Variants in SARAF observed in about 807,000 individuals in gnomAD.
SARAF encodes the protein store-operated calcium entry associated regulatory factor.
Under a neutral mutation model 39.7 loss-of-function variants are expected in SARAF, and 23 were observed. The observed-to-expected ratio is 0.58, with a 90% CI of 0.42 to 0.82. The LOEUF is 0.82. Among genes scored for constraint, SARAF ranks in the 40% least tolerant of loss-of-function variants. The probability of loss-of-function intolerance (pLI) is 0.00; values close to 1 mark genes in which losing one functional copy is unlikely to be tolerated. For missense variants in SARAF, 384 were observed against 418.5 expected (o/e 0.92, Z 0.72); for synonymous variants, 175 against 168.5 (o/e 1.04, Z -0.30).
chr8:30,064,547 AT>A (rs1163316447), intron 5 of SARAF, among the ~76,000 whole-genome samples: 3 of 37,012 alleles, frequency 8.1e-5, no homozygotes, highest in African/African-American at 3.6e-4. Flanking sequence ...ATATATATAT[AT>A]ATATATATAT....
rs1801610484 is a variant in SARAF at position 30,063,822 on chromosome 8, T to C, written c.*66A>G. On this transcript the variant is annotated 3_prime_UTR_variant, in exon 6 of 6. Coordinates refer to ENST00000256255, the MANE Select transcript of SARAF (RefSeq NM_016127.6). The stretch of plus-strand genomic sequence containing the variant: ...CAATTGTTAACAGGTAGTACTTTTT[T>C]TCTAAAGAGAAAGTGATGAAAAATC... The C allele has an allele frequency of 7.2e-7, 1 of 1,397,868 alleles. No individual in the cohort carries two copies. The highest frequency in any genetic ancestry group is 1.0e-6 in the Non-Finnish European group (1 of 983,832). 86.6% of individuals were successfully genotyped at this position (1,397,868 alleles called of 1,614,324 possible). A position where few individuals can be genotyped will look rare whatever the true frequency, so the allele number is the denominator to read the frequency against.
intron 1 of SARAF, among the ~76,000 whole-genome samples, chr8:30,074,682 G>A (rs966150665): frequency 6.6e-6 from 1 of 152,116 alleles, no homozygotes; most frequent in Admixed American, 6.5e-5. Context: ...GTATGGGAAG[G>A]ATTTAACACC....
At chr8:30,064,130 T>C (rs563521643) in intron 5 of SARAF, among the ~76,000 whole-genome samples, 1 of 152,202 alleles carries the variant, frequency 6.6e-6, no homozygotes, top group East Asian at 1.9e-4. Flanking sequence ...ACATGGTTGC[T>C]GGGAATGACA....
chr8:30,071,324 C>T (rs1440873298), intron 2 of SARAF, among the ~76,000 whole-genome samples: 3 of 152,180 alleles, frequency 2.0e-5, no homozygotes, highest in African/African-American at 4.8e-5. Flanking sequence ...GTACTCCAGA[C>T]TGGGTGACAG....
chr8:30,074,407 T>C (rs1402097428), intron 1 of SARAF, among the ~76,000 whole-genome samples: 1 of 152,238 alleles, frequency 6.6e-6, no homozygotes, highest in Non-Finnish European at 1.5e-5. Context: ...AGCATGTTCC[T>C]GAAGCACATT....
chr8:30,068,540 C>A (rs1385185033), intron 3 of SARAF, among the ~76,000 whole-genome samples: 1 of 152,112 alleles, frequency 6.6e-6, no homozygotes, highest in East Asian at 1.9e-4. Flanking sequence ...ATGCTTTAAT[C>A]ATCCCAAAAC....
rs956756882 is a variant in SARAF at position 30,063,476 on chromosome 8, C to T, written c.*412G>A. 3 of 167,096 alleles carry T rather than the reference C, an allele frequency of 1.8e-5. No individual in the cohort carries two copies. Among genetic ancestry groups the T allele is most frequent in the Non-Finnish European group, 2.6e-5 (2 of 78,194 alleles). The allele number at this position is 167,096 out of a possible 1,614,324, so 10.4% of individuals were successfully genotyped here. A position where few individuals can be genotyped will look rare whatever the true frequency, so the allele number is the denominator to read the frequency against. On this transcript the variant is annotated 3_prime_UTR_variant, in exon 6 of 6. Coordinates refer to ENST00000256255, the MANE Select transcript of SARAF (RefSeq NM_016127.6). ...CAGCAAACATCAAATAATATAATAC[C>T]AAATAGAATATTATAGTCTCTATGA...
intron 2 of SARAF, among the ~76,000 whole-genome samples, chr8:30,070,668 T>G (rs1384618982): frequency 6.6e-6 from 1 of 152,204 alleles, no homozygotes; most frequent in East Asian, 1.9e-4. Context: ...TTTATAAAAT[T>G]TAAGCAAACT....
At chr8:30,068,168 A>C (rs1044308298) in intron 3 of SARAF, among the ~76,000 whole-genome samples, 2 of 152,164 alleles carry the variant, frequency 1.3e-5, no homozygotes, top group African/African-American at 4.8e-5. Flanking sequence ...ACTGAGCCAC[A>C]CAGCAGGAGG....
At chr8:30,067,023 A>G in intron 3 of SARAF, 105 bp from the exon 4 acceptor site, 1 of 1,158,610 alleles carries the variant, frequency 8.6e-7, no homozygotes. Context: ...TGAATTATTA[A>G]TAATACTCAG....
chr8:30,066,225 A>C, intron 4 of SARAF, 86 bp from the exon 5 acceptor site: 1 of 1,323,838 alleles, frequency 7.6e-7, no homozygotes, highest in Non-Finnish European at 1.0e-6. Flanking sequence ...TGTCAGAAAA[A>C]AATATCTTTA....
intron 3 of SARAF, 34 bp from the exon 4 acceptor site, chr8:30,066,952 C>A (rs777265874): frequency 1.9e-6 from 3 of 1,543,718 alleles, no homozygotes; most frequent in Non-Finnish European, 2.7e-6. Flanking sequence ...TGTATCCTCA[C>A]TTAAACATGA....
chr8:30,064,561 A>ATATTTTTTTT (rs1423689069), intron 5 of SARAF, among the ~76,000 whole-genome samples: 3 of 46,236 alleles, frequency 6.5e-5, no homozygotes, highest in African/African-American at 3.4e-4. Flanking sequence ...ATATATATAT[A>ATATTTTTTTT]TTTTTTTTTT....
At position 30,069,955 on chromosome 8, in the gene SARAF, A is replaced by G; in HGVS notation, c.387T>C (p.Ser129=). The change falls in exon 3 of 6, where the codon TCT becomes TCC. Residue 129 remains serine (S), a synonymous_variant. Coordinates refer to ENST00000256255, the MANE Select transcript of SARAF (RefSeq NM_016127.6). ...AATCTAAATTATACTCCAAGCCACA[A>G]GAACCTCTTAGTACATACTGGTCTT... The part of the protein sequence containing the change: ...SSEDQYVLRG[S]CGLEYNLDYT... 1.2e-6 allele frequency: 2 copies of G among 1,614,002 alleles called. No individual in the cohort carries two copies. The highest frequency in any genetic ancestry group is 1.7e-6 in the Non-Finnish European group (2 of 1,180,030).
chr8:30,077,139 A>C (rs992950828), intron 1 of SARAF, among the ~76,000 whole-genome samples: 1 of 152,238 alleles, frequency 6.6e-6, no homozygotes, highest in Non-Finnish European at 1.5e-5. Context: ...TTTGGAAATT[A>C]AAAACAGGAC....
In SARAF at chr8:30,066,049, A is replaced by C. The variant is rs769578148; in HGVS notation, c.933T>G (p.His311Gln). 6.2e-7 allele frequency: 1 copy of C among 1,614,132 alleles called. No homozygotes were observed. Among genetic ancestry groups the C allele is most frequent in the South Asian group, 1.1e-5 (1 of 91,080 alleles). Residue 311 changes from histidine (H) to glutamine (Q), a missense_variant, in exon 5 of 6, where the codon CAT (histidine) becomes CAG (glutamine). By Grantham distance (24) the His-to-Gln change is conservative. Coordinates refer to ENST00000256255, the MANE Select transcript of SARAF (RefSeq NM_016127.6). ...GTWNRAYSPL[H>Q]GGSGSYSVCS... ...ATACCGAATAGCTGCCCGAGCCTCCATGAAGGGGTGAGTAAGCCCTATTCC... is the reference window on the plus strand; with the variant it reads ...ATACCGAATAGCTGCCCGAGCCTCCCTGAAGGGGTGAGTAAGCCCTATTCC...
At chr8:30,064,997 C>T (rs562194700) in intron 5 of SARAF, among the ~76,000 whole-genome samples, 4 of 152,204 alleles carry the variant, frequency 2.6e-5, no homozygotes, top group South Asian at 2.1e-4. Flanking sequence ...TAACTGCTAT[C>T]ATCATAGTGT....
intron 1 of SARAF, among the ~76,000 whole-genome samples, chr8:30,079,084 G>C (rs147327824): frequency 2.0e-5 from 3 of 151,004 alleles, no homozygotes; most frequent in African/African-American, 7.3e-5. Context: ...TTGAATCCAG[G>C]AGGTGGAGGT....
intron 5 of SARAF, among the ~76,000 whole-genome samples, chr8:30,064,179 G>A (rs984539902): frequency 2.0e-5 from 3 of 152,086 alleles, no homozygotes; most frequent in African/African-American, 7.2e-5. Flanking sequence ...CTATAGTGGG[G>A]CCACCATGGT....
Sources: gnomAD v4.1 joint callset for allele counts (sites outside exome capture counted in the v4.1 genomes callset) on GRCh38, gnomAD v4.1.1 for gene constraint, MANE v1.5 for transcripts, NCBI Gene and HGNC (gene_info 2026-07-23, HGNC 2026-07-21) for gene names.